ZMAT4: variants seen among roughly 807,000 people sequenced by gnomAD.
The protein encoded by ZMAT4 is zinc finger matrin-type 4.
In ZMAT4, 17 loss-of-function variants were observed where a neutral mutation model predicts 28.7. The observed-to-expected ratio is 0.59, with a 90% CI of 0.41 to 0.89. The LOEUF is 0.89. Among genes scored for constraint, ZMAT4 ranks in the 40% least tolerant of loss-of-function variants. ZMAT4 has a pLI of 0.00. For missense variants in ZMAT4, 240 were observed against 283.8 expected (o/e 0.85, Z 1.11); for synonymous variants, 117 against 109.2 (o/e 1.07, Z -0.44).
At chr8:40,614,138 T>C (rs1475054301) in intron 5 of ZMAT4, among the ~76,000 whole-genome samples, 1 of 152,192 alleles carries the variant, frequency 6.6e-6, no homozygotes, top group Non-Finnish European at 1.5e-5. Flanking sequence ...GAACCCCCTA[T>C]GTTTTTTCCT....
intron 5 of ZMAT4, among the ~76,000 whole-genome samples, chr8:40,594,915 A>AT (rs2118592111): frequency 6.6e-6 from 1 of 152,290 alleles, no homozygotes; most frequent in East Asian, 1.9e-4. Context: ...GTTCTTAAAC[A>AT]TTTTTTGAAA....
chr8:40,847,280 C>T lies in ZMAT4; in HGVS notation c.-4-21600G>A, dbSNP rs527511334. Among the ~76,000 whole-genome samples, 6 of 151,722 alleles carry T rather than the reference C, an allele frequency of 4.0e-5. No individual in the cohort carries two copies. The South Asian group carries it at 1.0e-3, about 26-fold the overall frequency. ...AGAAAATAGCCTCTGTAAGTTTCAG[C>T]CTCTCCCTCTAAAAAATGCGTAGAG... On this transcript the variant is annotated intron_variant, in intron 1 of 6. Transcript: ENST00000297737.
At position 40,648,162 on chromosome 8, in the gene ZMAT4, C is replaced by G. The variant is rs373609548; in HGVS notation, c.577+26542G>C. On this transcript the variant is annotated intron_variant, in intron 5 of 6. Coordinates refer to ENST00000297737, the MANE Select transcript of ZMAT4 (RefSeq NM_024645.3). ...GGACATTCAAACCAAAGGCAAAGAA[C>G]TTGAAAACTTTGAAAAAAATTTAGA... Among the ~76,000 whole-genome samples the G allele has an allele frequency of 1.1e-3, 166 of 152,152 alleles. 1 individual carries two copies. The highest frequency in any genetic ancestry group is 3.7e-3 in the African/African-American group (155 of 41,534).
intron 1 of ZMAT4, among the ~76,000 whole-genome samples, chr8:40,830,098 T>C (rs1416945275): frequency 1.3e-5 from 2 of 152,176 alleles, no homozygotes; most frequent in Non-Finnish European, 2.9e-5. Flanking sequence ...TTTCTGCTTC[T>C]TTCTGCTTCT....
chr8:40,750,118 C>T (rs1440164400), intron 3 of ZMAT4, among the ~76,000 whole-genome samples: 2 of 152,270 alleles, frequency 1.3e-5, no homozygotes, highest in Middle Eastern at 6.8e-3. Flanking sequence ...CTCAGCATGA[C>T]CTGCACCAAA....
chr8:40,566,576 G>T (rs539070725), intron 6 of ZMAT4, among the ~76,000 whole-genome samples: 1 of 152,116 alleles, frequency 6.6e-6, no homozygotes, highest in Non-Finnish European at 1.5e-5. Flanking sequence ...ATACAGAAAT[G>T]ATGACATCTG....
intron 3 of ZMAT4, among the ~76,000 whole-genome samples, chr8:40,733,978 G>C (rs1206760909): frequency 1.3e-5 from 2 of 152,088 alleles, no homozygotes; most frequent in Non-Finnish European, 2.9e-5. Flanking sequence ...ACACTAAAAT[G>C]GTGGAGACAC....
At chr8:40,757,447 A>C (rs973940648) in intron 3 of ZMAT4, among the ~76,000 whole-genome samples, 1 of 152,070 alleles carries the variant, frequency 6.6e-6, no homozygotes, top group African/African-American at 2.4e-5. Flanking sequence ...TTAGCCGGGC[A>C]TGATGGCACG....
chr8:40,756,426 T>TTTTATATATATATATATA (rs1389568182), intron 3 of ZMAT4, among the ~76,000 whole-genome samples: 1 of 73,282 alleles, frequency 1.4e-5, no homozygotes, highest in Non-Finnish European at 2.4e-5. Context: ...AAATGTTCTT[T>TTTTATATATATATATATA]TATATATATA....
chr8:40,881,854 A>C (rs1818291645), intron 1 of ZMAT4, among the ~76,000 whole-genome samples: 1 of 152,084 alleles, frequency 6.6e-6, no homozygotes, highest in Non-Finnish European at 1.5e-5. Context: ...GTTTAAGTGC[A>C]CAGTCAGGCC....
chr8:40,787,275 C>A (rs775749060), intron 2 of ZMAT4, among the ~76,000 whole-genome samples: 4 of 152,126 alleles, frequency 2.6e-5, no homozygotes, highest in Admixed American at 2.6e-4. Flanking sequence ...TTCCCAGACC[C>A]GCAGTGGGTG....
chr8:40,691,096 T>C (rs1185004572), intron 4 of ZMAT4, among the ~76,000 whole-genome samples: 1 of 152,176 alleles, frequency 6.6e-6, no homozygotes, highest in Non-Finnish European at 1.5e-5. Context: ...AAATTCAGGG[T>C]TAGGTTCCTA....
intron 4 of ZMAT4, among the ~76,000 whole-genome samples, chr8:40,691,255 G>A (rs1283426161): frequency 6.6e-6 from 1 of 152,100 alleles, no homozygotes; most frequent in Non-Finnish European, 1.5e-5. Context: ...TCTGAGCAAA[G>A]CTTATTTTCT....
intron 3 of ZMAT4, among the ~76,000 whole-genome samples, chr8:40,740,157 C>A (rs1012851377): frequency 6.6e-6 from 1 of 152,144 alleles, no homozygotes; most frequent in Non-Finnish European, 1.5e-5. Context: ...TGGGTATACA[C>A]CCAGTAATGG....
intron 5 of ZMAT4, among the ~76,000 whole-genome samples, chr8:40,633,109 A>G (rs199826714): frequency 6.3e-5 from 2 of 31,506 alleles, no homozygotes; most frequent in Non-Finnish European, 2.3e-4. Flanking sequence ...TCATTACAGA[A>G]GAAATGCGAA....
chr8:40,637,220 G>A (rs1395222135), intron 5 of ZMAT4, among the ~76,000 whole-genome samples: 1 of 152,100 alleles, frequency 6.6e-6, no homozygotes, highest in African/African-American at 2.4e-5. Context: ...CCGAGGGAAT[G>A]CCACAGTAAT....
At chr8:40,845,856 A>G (rs1418759695) in intron 1 of ZMAT4, among the ~76,000 whole-genome samples, 1 of 151,926 alleles carries the variant, frequency 6.6e-6, no homozygotes, top group Non-Finnish European at 1.5e-5. Flanking sequence ...TAACAATGAT[A>G]GAGCCAAGCA....
chr8:40,544,528 C>A (rs998232898), intron 6 of ZMAT4, among the ~76,000 whole-genome samples: 1 of 152,218 alleles, frequency 6.6e-6, no homozygotes, highest in Non-Finnish European at 1.5e-5. Context: ...AAGACATGAT[C>A]TCTCAGGCTT....
At chr8:40,769,798 T>C (rs1813315532) in intron 2 of ZMAT4, among the ~76,000 whole-genome samples, 1 of 151,840 alleles carries the variant, frequency 6.6e-6, no homozygotes, top group African/African-American at 2.4e-5. Flanking sequence ...TTTTTTTTTT[T>C]CCTCTTAATC....
Sources: gnomAD v4.1 joint callset for allele counts (sites outside exome capture counted in the v4.1 genomes callset) on GRCh38, gnomAD v4.1.1 for gene constraint, MANE v1.5 for transcripts, NCBI Gene and HGNC (gene_info 2026-07-23, HGNC 2026-07-21) for gene names.